The following DLG2 variants were observed in gnomAD, a reference collection of about 807,000 sequenced individuals.
DLG2 encodes disks large homolog 2.
In DLG2, 45 loss-of-function variants were observed where a neutral mutation model predicts 132.5. The observed-to-expected ratio is 0.34, with a 90% CI of 0.27 to 0.44. The LOEUF (loss-of-function observed/expected upper bound fraction) is 0.44. Among genes scored for constraint, DLG2 ranks in the 20% least tolerant of loss-of-function variants. The pLI is 1.00. For missense variants in DLG2, 1,045 were observed against 1,196.9 expected (o/e 0.87, Z 1.87); for synonymous variants, 424 against 419.6 (o/e 1.01, Z -0.13).
intron 6 of DLG2, among the ~76,000 whole-genome samples, chr11:84,993,632 A>G (rs1227542203): frequency 6.6e-6 from 1 of 152,178 alleles, no homozygotes; most frequent in Non-Finnish European, 1.5e-5. Flanking sequence ...GAGGGTCAGC[A>G]GAAGTTTATT....
intron 19 of DLG2, among the ~76,000 whole-genome samples, chr11:83,576,718 T>C (rs2096879532): frequency 6.6e-6 from 1 of 152,166 alleles, no homozygotes. Context: ...ATAAAGACTT[T>C]TTTCAAACAT....
chr11:84,306,426 A>C (rs2098219362), intron 7 of DLG2, among the ~76,000 whole-genome samples: 1 of 152,214 alleles, frequency 6.6e-6, no homozygotes, highest in Admixed American at 6.5e-5. Context: ...TACTAAAATC[A>C]GCATTATGTT....
chr11:83,696,748 T>C (rs1242295587), intron 18 of DLG2, among the ~76,000 whole-genome samples: 2 of 152,140 alleles, frequency 1.3e-5, no homozygotes, highest in African/African-American at 4.8e-5. Context: ...GTGCAGAGTA[T>C]TGGGTCTGTC....
In DLG2 at chr11:85,104,478, C is replaced by T. The variant is rs114036288; in HGVS notation, c.357+7183G>A. The stretch of plus-strand genomic sequence containing the variant: ...ACAAAGGCTGCATATTACATACTTC[C>T]GCTTATAGGAAATATCTAGAAAGGG... On this transcript the variant is annotated intron_variant, in intron 6 of 27. Coordinates refer to ENST00000376104, the MANE Select transcript of DLG2 (RefSeq NM_001142699.3). Among the ~76,000 whole-genome samples, 178 of 151,890 alleles carry T rather than the reference C, an allele frequency of 1.2e-3. 1 individual carries two copies. The highest frequency in any genetic ancestry group is 3.9e-3 in the African/African-American group (161 of 41,468).
intron 7 of DLG2, among the ~76,000 whole-genome samples, chr11:84,508,811 TTTG>T (rs1426316043): frequency 1.3e-5 from 2 of 152,228 alleles, no homozygotes; most frequent in African/African-American, 2.4e-5. Flanking sequence ...GAATGTAAAC[TTTG>T]TTAAGACAGG....
In DLG2 at chr11:84,973,030, T is replaced by C. The variant is rs1592058595; in HGVS notation, c.357+138631A>G. 1.3e-5 allele frequency among the ~76,000 whole-genome samples: 2 copies of C among 151,394 alleles called. 1 individual carries two copies. Among genetic ancestry groups the C allele is most frequent in the South Asian group, 4.2e-4 (2 of 4,788 alleles). On this transcript the variant is annotated intron_variant, in intron 6 of 27. Coordinates refer to ENST00000376104, the MANE Select transcript of DLG2 (RefSeq NM_001142699.3). ...TGGAGGGCAGTGGCGCGATCTCAGC[T>C]CACTGCAATCTCCTCCTCCCAGGTT...
At chr11:85,266,403 G>A (rs2077213764) in intron 4 of DLG2, among the ~76,000 whole-genome samples, 1 of 152,114 alleles carries the variant, frequency 6.6e-6, no homozygotes, top group African/African-American at 2.4e-5. Context: ...ACTGGGAGTT[G>A]AACAATGAGA....
At chr11:84,184,446 G>A (rs2096231174) in intron 8 of DLG2, among the ~76,000 whole-genome samples, 1 of 151,940 alleles carries the variant, frequency 6.6e-6, no homozygotes. Context: ...ATTTGTTTGA[G>A]TTCATTGTAG....
intron 4 of DLG2, among the ~76,000 whole-genome samples, chr11:85,192,524 C>G (rs1251816853): frequency 2.6e-5 from 4 of 152,126 alleles, no homozygotes; most frequent in Non-Finnish European, 5.9e-5. Context: ...AAGGTAGAAA[C>G]AAGTGCAACA....
At chr11:83,634,363 A>C (rs2064248074) in intron 18 of DLG2, among the ~76,000 whole-genome samples, 1 of 152,204 alleles carries the variant, frequency 6.6e-6, no homozygotes, top group African/African-American at 2.4e-5. Context: ...GAACATGTAA[A>C]AAGAAACGGC....
Position 84,977,368 on chromosome 11 carries a change from C to T in DLG2, c.357+134293G>A, listed in dbSNP as rs551638976. Among the ~76,000 whole-genome samples, 29 of 152,244 alleles carry T rather than the reference C, an allele frequency of 1.9e-4. No individual in the cohort carries two copies. The South Asian group carries it at 2.9e-3, about 15-fold the overall frequency. On this transcript the variant is annotated intron_variant, in intron 6 of 27. Coordinates refer to ENST00000376104, the MANE Select transcript of DLG2 (RefSeq NM_001142699.3). The stretch of plus-strand genomic sequence containing the variant: ...ATAAGAACATGCAGAATCAAAGAGA[C>T]GGCAAGTCATCCTTCATGACCCCTT...
chr11:85,592,888 G>A (rs1357367922), intron 3 of DLG2, among the ~76,000 whole-genome samples: 1 of 151,868 alleles, frequency 6.6e-6, no homozygotes, highest in East Asian at 1.9e-4. Context: ...AGAAAGCAGA[G>A]GTTGCAGTGA....
chr11:84,468,072 GAATT>G (rs1293588194), intron 7 of DLG2, among the ~76,000 whole-genome samples: 1 of 151,404 alleles, frequency 6.6e-6, no homozygotes, highest in Admixed American at 6.6e-5. Context: ...TTTTATAATG[GAATT>G]AAACATGAAT....
intron 15 of DLG2, among the ~76,000 whole-genome samples, chr11:83,884,115 A>C (rs2067091630): frequency 6.6e-6 from 1 of 152,192 alleles, no homozygotes; most frequent in African/African-American, 2.4e-5. Flanking sequence ...GCAGGGCACC[A>C]TGCGCGAGCC....
intron 6 of DLG2, among the ~76,000 whole-genome samples, chr11:84,536,318 T>C (rs2099355518): frequency 6.6e-6 from 1 of 152,102 alleles, no homozygotes; most frequent in Non-Finnish European, 1.5e-5. Context: ...ATCCAGATCA[T>C]TGCAGTCTGA....
intron 6 of DLG2, chr11:84,545,631 A>C (rs1040135524): frequency 9.6e-6 from 3 of 313,826 alleles, no homozygotes; most frequent in African/African-American, 4.4e-5. Flanking sequence ...TTATTCATAG[A>C]GTCATGGTCC....
chr11:83,707,860 A>G (rs2084419500), intron 18 of DLG2, among the ~76,000 whole-genome samples: 1 of 152,164 alleles, frequency 6.6e-6, no homozygotes, highest in Non-Finnish European at 1.5e-5. Flanking sequence ...TAACAGAATA[A>G]AATTTTCCAG....
intron 6 of DLG2, among the ~76,000 whole-genome samples, chr11:84,655,001 C>G (rs1008716438): frequency 6.6e-6 from 1 of 152,138 alleles, no homozygotes; most frequent in African/African-American, 2.4e-5. Context: ...GAGACAAAAA[C>G]GTATCTAAAT....
intron 4 of DLG2, among the ~76,000 whole-genome samples, chr11:85,233,696 ATTTTTT>A (rs547235876): frequency 7.6e-6 from 1 of 131,366 alleles, no homozygotes; most frequent in Non-Finnish European, 1.7e-5. Context: ...TGGATCCTTA[ATTTTTT>A]TTTTTTTTTT....
Sources: gnomAD v4.1 joint callset for allele counts (sites outside exome capture counted in the v4.1 genomes callset) on GRCh38, gnomAD v4.1.1 for gene constraint, MANE v1.5 for transcripts, NCBI Gene and HGNC (gene_info 2026-07-23, HGNC 2026-07-21) for gene names.